Variants in AK8 observed in about 807,000 individuals in gnomAD.
AK8 encodes ATP-AMP transphosphorylase 8.
In AK8, 44 loss-of-function variants were observed where a neutral mutation model predicts 54.6. The observed-to-expected ratio is 0.81, with a 90% CI of 0.63 to 1.04. The LOEUF is 1.04. Ranked by LOEUF, AK8 falls within the 50% of genes least tolerant of loss-of-function variation. AK8 has a pLI of 0.00. For synonymous variants in AK8, 239 were observed against 245.6 expected (o/e 0.97, Z 0.25); for missense variants, 555 against 613.6 (o/e 0.90, Z 1.01).
Position 132,828,050 on chromosome 9 carries a change from C to T in AK8, c.519G>A (p.Glu173=), listed in dbSNP as rs776137373. Residue 173 remains glutamate (E), a synonymous_variant, in exon 7 of 13, where the codon GAG becomes GAA. Coordinates refer to ENST00000298545, the MANE Select transcript of AK8 (RefSeq NM_152572.3). ...GGTCGATTCTCTTCCCCAAGTTTCTCTCGATCAGGACCGTGTCTGGAGCAC... is the reference window on the plus strand; with the variant it reads ...GGTCGATTCTCTTCCCCAAGTTTCTTTCGATCAGGACCGTGTCTGGAGCAC... ...VLSAPDTVLI[E]RNLGKRIDPQ... 1 of 1,572,866 alleles carries T rather than the reference C, an allele frequency of 6.4e-7. No homozygotes were observed. The highest frequency in any genetic ancestry group is 1.4e-5 in the African/African-American group (1 of 74,066).
In AK8 at chr9:132,781,569, T is replaced by C. The variant is rs1044599654; in HGVS notation, c.1121+11065A>G. 5.9e-5 allele frequency among the ~76,000 whole-genome samples: 9 copies of C among 152,216 alleles called. No individual in the cohort carries two copies. Among genetic ancestry groups the C allele is most frequent in the Non-Finnish European group, 1.3e-4 (9 of 68,044 alleles). ...ATATATTTTAATAATAAAATTGATA[T>C]ATATGTAAATTTATTTTAATCTAAT... On this transcript the variant is annotated intron_variant, in intron 11 of 12. Transcript: ENST00000298545. This position sits in a 1 kb window ranked among gnomAD's most constrained non-coding sequence, Gnocchi z 4.6.
chr9:132,742,722 C>G (rs1181937546), intron 11 of AK8, among the ~76,000 whole-genome samples: 1 of 152,222 alleles, frequency 6.6e-6, no homozygotes, highest in Non-Finnish European at 1.5e-5. Context: ...CATCTGCTTC[C>G]CGAGATTGCA....
intron 2 of AK8, among the ~76,000 whole-genome samples, chr9:132,867,273 C>G (rs1165709039): frequency 1.3e-5 from 2 of 152,198 alleles, no homozygotes; most frequent in African/African-American, 4.8e-5. Flanking sequence ...GGGACTTTGT[C>G]TCAGGAACGC....
chr9:132,748,604 G>C (rs1316342950), intron 11 of AK8, among the ~76,000 whole-genome samples: 1 of 151,948 alleles, frequency 6.6e-6, no homozygotes, highest in East Asian at 1.9e-4. Flanking sequence ...AGGAACTACA[G>C]ATCTAGTGGT....
At chr9:132,839,848 T>C (rs1226309736) in intron 5 of AK8, among the ~76,000 whole-genome samples, 2 of 146,156 alleles carry the variant, frequency 1.4e-5, no homozygotes, top group Non-Finnish European at 3.0e-5. Flanking sequence ...GACGGAGCCT[T>C]GCTCTGTCAC....
In AK8 at chr9:132,792,721, C is replaced by T; in HGVS notation, c.1034G>A (p.Cys345Tyr). 6.4e-7 allele frequency: 1 copy of T among 1,557,828 alleles called. No individual in the cohort carries two copies. Among genetic ancestry groups the T allele is most frequent in the Non-Finnish European group, 8.7e-7 (1 of 1,151,122 alleles). Residue 345 changes from cysteine (C) to tyrosine (Y), a missense_variant, in exon 11 of 13, where the codon TGC becomes TAC. Coordinates refer to ENST00000298545, the MANE Select transcript of AK8 (RefSeq NM_152572.3). The part of the protein sequence containing the change: ...VLSQRLDQQD[C>Y]IQKGWVLHGV... ...GTGTAGCACCCAGCCTTTCTGGATG[C>T]AGTCCTGCTGGTCCAGGCGCTGGCT...
At chr9:132,842,138 T>A (rs1176879992) in intron 5 of AK8, among the ~76,000 whole-genome samples, 1 of 152,194 alleles carries the variant, frequency 6.6e-6, no homozygotes, top group Non-Finnish European at 1.5e-5. Context: ...CAAAGAAGCC[T>A]GAAGACAAGT....
chr9:132,815,106 G>A (rs1393577753), intron 9 of AK8, among the ~76,000 whole-genome samples: 1 of 152,212 alleles, frequency 6.6e-6, no homozygotes, highest in African/African-American at 2.4e-5. Context: ...CTGGCCGGGG[G>A]CTGCTCATCT....
chr9:132,789,597 C>CAAAAAAAAAA (rs578003731), intron 11 of AK8, among the ~76,000 whole-genome samples: 14 of 57,484 alleles, frequency 2.4e-4, no homozygotes, highest in South Asian at 1.1e-3. Flanking sequence ...ACTCATCTCA[C>CAAAAAAAAAA]AAAAAAAAAA....
At chr9:132,793,750 A>G (rs1171831767) in intron 10 of AK8, among the ~76,000 whole-genome samples, 2 of 152,204 alleles carry the variant, frequency 1.3e-5, no homozygotes, top group Admixed American at 1.3e-4. Flanking sequence ...ACTGCGTTCT[A>G]GCAATTTGCA....
At position 132,803,745 on chromosome 9, in the gene AK8, C is replaced by T. The variant is rs1481830499; in HGVS notation, c.979+10893G>A. 6.6e-6 allele frequency among the ~76,000 whole-genome samples: 1 copy of T among 152,168 alleles called. No individual in the cohort carries two copies. Among genetic ancestry groups the T allele is most frequent in the Non-Finnish European group, 1.5e-5 (1 of 68,036 alleles). On this transcript the variant is annotated intron_variant, in intron 10 of 12. Transcript: ENST00000298545. The surrounding 1 kb of genome is among the most constrained non-coding windows in gnomAD (Gnocchi z 4.4). ...CCCTCCCATCTGGGAGTGACAGTCA[C>T]TTGCCTCCCTTCTAGAAATCCTTCA...
At chr9:132,746,526 T>C (rs574109900) in intron 11 of AK8, among the ~76,000 whole-genome samples, 1 of 152,348 alleles carries the variant, frequency 6.6e-6, no homozygotes, top group Admixed American at 6.5e-5. Context: ...GGCTGATATG[T>C]GATAATCACC....
chr9:132,866,345 A>G (rs934826542), intron 3 of AK8, among the ~76,000 whole-genome samples: 8 of 152,138 alleles, frequency 5.3e-5, no homozygotes. Flanking sequence ...GGGCCCAGGC[A>G]TTTGCTGTAT....
chr9:132,836,921 G>A (rs985557631), intron 5 of AK8, among the ~76,000 whole-genome samples: 2 of 152,236 alleles, frequency 1.3e-5, no homozygotes, highest in African/African-American at 4.8e-5. Context: ...CTAAAGTGGT[G>A]GCACAACGTC....
intron 5 of AK8, among the ~76,000 whole-genome samples, chr9:132,830,052 G>T (rs902199962): frequency 6.6e-6 from 1 of 152,174 alleles, no homozygotes; most frequent in African/African-American, 2.4e-5. Context: ...GGGGGTTGTG[G>T]GGAGGGGAAC....
chr9:132,873,957 A>G (rs1339384349), intron 2 of AK8, among the ~76,000 whole-genome samples: 1 of 152,212 alleles, frequency 6.6e-6, no homozygotes, highest in Non-Finnish European at 1.5e-5. Flanking sequence ...GCTGCAGGGC[A>G]GAGTAAACTG....
intron 9 of AK8, 125 bp from the exon 10 acceptor site, chr9:132,814,852 G>T: frequency 1.4e-6 from 1 of 733,508 alleles, no homozygotes. Flanking sequence ...AGCATAAAAG[G>T]GTTTTTCTGT....
intron 9 of AK8, among the ~76,000 whole-genome samples, chr9:132,821,314 C>T (rs114141227): frequency 0.023 from 3,504 of 152,070 alleles, 153 homozygotes; most frequent in African/African-American, 0.08. Context: ...CACATGCTTA[C>T]GTAAGCAAGT....
chr9:132,815,880 G>C (rs920568605), intron 9 of AK8, among the ~76,000 whole-genome samples: 5 of 152,216 alleles, frequency 3.3e-5, no homozygotes, highest in African/African-American at 1.2e-4. Context: ...ATACTAAGGA[G>C]ACCAAAAAAC....
Sources: allele counts gnomAD v4.1 joint callset (sites outside exome capture counted in the v4.1 genomes callset), GRCh38; gene constraint gnomAD v4.1.1; non-coding constraint Gnocchi (gnomAD v3.1); transcripts MANE v1.5; gene names NCBI Gene and HGNC (gene_info 2026-07-23, HGNC 2026-07-21).